RHOBTB1: variants seen among roughly 807,000 people sequenced by gnomAD.
RHOBTB1 encodes rho-related BTB domain-containing protein 1.
RHOBTB1 carries 40 observed loss-of-function variants against 71.6 expected under a neutral mutation model. That is an observed-to-expected ratio of 0.56 (90% CI 0.43 to 0.73). RHOBTB1 has a LOEUF of 0.73. Ranked by LOEUF, RHOBTB1 falls within the 30% of genes least tolerant of loss-of-function variation. The pLI, the probability that RHOBTB1 is intolerant of heterozygous loss-of-function variation, is 0.00. For missense variants in RHOBTB1, 797 were observed against 894.0 expected, an observed-to-expected ratio of 0.89 and a Z score of 1.38; for synonymous variants, 319 against 334.9, an observed-to-expected ratio of 0.95 and a Z score of 0.52.
intron 1 of RHOBTB1, chr10:60,986,062 C>G (rs1028596207): frequency 6.6e-6 from 1 of 152,034 alleles, no homozygotes; most frequent in Non-Finnish European, 1.5e-5. Flanking sequence ...AGTATGCCAG[C>G]CAACTACATG....
intron 4 of RHOBTB1, among the ~76,000 whole-genome samples, chr10:60,895,464 G>C (rs1240865580): frequency 6.6e-6 from 1 of 152,162 alleles, no homozygotes; most frequent in African/African-American, 2.4e-5. Context: ...GAGTGCACTG[G>C]CATGATCTCA....
chr10:60,964,382 C>G (rs2085888672), intron 2 of RHOBTB1, among the ~76,000 whole-genome samples: 1 of 152,042 alleles, frequency 6.6e-6, no homozygotes, highest in Non-Finnish European at 1.5e-5. Context: ...CAAAGTCTCT[C>G]AAGCCAAAAA....
intron 2 of RHOBTB1, among the ~76,000 whole-genome samples, chr10:60,961,519 A>G (rs2085776730): frequency 6.6e-6 from 1 of 152,164 alleles, no homozygotes; most frequent in Admixed American, 6.5e-5. Flanking sequence ...GATGTAGTAA[A>G]TACAGCCTCA....
intron 2 of RHOBTB1, among the ~76,000 whole-genome samples, chr10:60,954,017 G>A (rs951635706): frequency 2.6e-5 from 4 of 152,104 alleles, no homozygotes; most frequent in Non-Finnish European, 4.4e-5. Flanking sequence ...CAATTAAAGC[G>A]GTAAACTTGG....
intron 2 of RHOBTB1, among the ~76,000 whole-genome samples, chr10:60,926,464 A>T (rs138276319): frequency 1.3e-5 from 2 of 152,338 alleles, no homozygotes; most frequent in African/African-American, 4.8e-5. Flanking sequence ...TAATACACAT[A>T]GATGCAAAAT....
At chr10:60,876,805 T>A (rs989172785) in intron 8 of RHOBTB1, among the ~76,000 whole-genome samples, 1 of 152,194 alleles carries the variant, frequency 6.6e-6, no homozygotes, top group Non-Finnish European at 1.5e-5. Flanking sequence ...GATCTCCAGG[T>A]GGTTGTGTGT....
intron 1 of RHOBTB1, among the ~76,000 whole-genome samples, chr10:60,998,625 G>C (rs954859123): frequency 6.6e-6 from 1 of 152,136 alleles, no homozygotes; most frequent in African/African-American, 2.4e-5. Flanking sequence ...GGGAAGGAAG[G>C]GGGTGGAAAA....
intron 9 of RHOBTB1, 97 bp from the exon 10 acceptor site, chr10:60,872,387 G>C (rs1014112399): frequency 1.2e-6 from 1 of 840,566 alleles, no homozygotes; most frequent in Middle Eastern, 2.3e-4. Flanking sequence ...AGAAATGAAG[G>C]GCTTATATAA....
chr10:60,862,166 CTCT>C, the RHOBTB1 span, among the ~76,000 whole-genome samples: 1 of 150,418 alleles, frequency 6.6e-6, no homozygotes, highest in African/African-American at 2.5e-5. Flanking sequence ...TTTCCTCTCT[CTCT>C]TTCTTTCTTT....
chr10:60,970,766 T>TA (rs770802511), intron 2 of RHOBTB1, among the ~76,000 whole-genome samples: 22 of 152,042 alleles, frequency 1.4e-4, no homozygotes, highest in Non-Finnish European at 3.1e-4. Flanking sequence ...ACAATACAAA[T>TA]AGGGCTTTTA....
intron 7 of RHOBTB1, 83 bp from the exon 8 acceptor site, chr10:60,878,141 C>A (rs1005512433): frequency 3.6e-6 from 4 of 1,112,894 alleles, no homozygotes; most frequent in Admixed American, 2.0e-5. Flanking sequence ...TTATAAATAT[C>A]CTGTGTGACT....
At position 60,910,874 on chromosome 10, in the gene RHOBTB1, A is replaced by G. The variant is rs534949188; in HGVS notation, c.296+13T>C. The G allele has an allele frequency of 4.0e-5, 63 of 1,586,004 alleles. No individual in the cohort carries two copies. The East Asian group carries it at 1.2e-3, about 31-fold the overall frequency. ...CATTCAAGCTCAACCACGCTGTACT[A>G]GTCTTGGTTTACCTGCCATATGCAA... is the stretch of plus-strand genomic sequence containing the variant. On this transcript the variant is annotated intron_variant, in intron 4 of 10. Coordinates refer to ENST00000337910, the MANE Select transcript of RHOBTB1 (RefSeq NM_014836.5).
chr10:60,878,110 C>A, intron 7 of RHOBTB1, 52 bp from the exon 8 acceptor site: 1 of 1,474,752 alleles, frequency 6.8e-7, no homozygotes. Flanking sequence ...AGGGAGTGGG[C>A]ACATTTTCAG....
intron 2 of RHOBTB1, among the ~76,000 whole-genome samples, chr10:60,950,531 C>T (rs989700140): frequency 6.6e-6 from 1 of 152,180 alleles, no homozygotes; most frequent in Admixed American, 6.5e-5. Flanking sequence ...AGAAAGAAAG[C>T]GGTATTGTAT....
chr10:60,864,948 C>T (rs976988060), downstream of RHOBTB1, among the ~76,000 whole-genome samples: 2 of 152,184 alleles, frequency 1.3e-5, no homozygotes, highest in Non-Finnish European at 2.9e-5. Context: ...GCCTTGGCTT[C>T]CCAAAGTGCT....
upstream of RHOBTB1, among the ~76,000 whole-genome samples, chr10:60,946,685 G>A (rs950812987): frequency 6.6e-6 from 1 of 152,082 alleles, no homozygotes; most frequent in South Asian, 2.1e-4. Flanking sequence ...GTTAAAAAAA[G>A]TTCAGTGTCA....
chr10:60,997,649 G>A (rs2087104000), intron 1 of RHOBTB1, among the ~76,000 whole-genome samples: 1 of 152,154 alleles, frequency 6.6e-6, no homozygotes. Flanking sequence ...GACTGTCCAA[G>A]CATTTAAATA....
At position 60,917,045 on chromosome 10, in the gene RHOBTB1, C is replaced by T. The variant is rs186496701; in HGVS notation, c.-10-5493G>A. Among the ~76,000 whole-genome samples, 259 of 152,306 alleles carry T rather than the reference C, an allele frequency of 1.7e-3. 1 individual carries two copies. The highest frequency in any genetic ancestry group is 5.9e-3 in the African/African-American group (245 of 41,562). On this transcript the variant is annotated intron_variant, in intron 2 of 10. Coordinates refer to ENST00000337910, the MANE Select transcript of RHOBTB1 (RefSeq NM_014836.5). Reference sequence around the variant, plus strand: ...CCCTAAGGCCCCCAAAGTAACACAGCCTGCCAACACTTCAAGCTCAGTGAG... The same window carrying T: ...CCCTAAGGCCCCCAAAGTAACACAGTCTGCCAACACTTCAAGCTCAGTGAG...
At chr10:60,901,082 G>T in intron 4 of RHOBTB1, among the ~76,000 whole-genome samples, 1 of 152,162 alleles carries the variant, frequency 6.6e-6, no homozygotes, top group Non-Finnish European at 1.5e-5. Context: ...GCCCTCTATT[G>T]CACAGACCAT....
Sources: gnomAD v4.1 joint callset for allele counts (sites outside exome capture counted in the v4.1 genomes callset) on GRCh38, gnomAD v4.1.1 for gene constraint, MANE v1.5 for transcripts, NCBI Gene and HGNC (gene_info 2026-07-23, HGNC 2026-07-21) for gene names.